The following ASAH2 variants were observed in gnomAD, a reference collection of about 807,000 sequenced individuals.
The protein encoded by ASAH2 is N-acylsphingosine amidohydrolase 2.
ASAH2 carries 58 observed loss-of-function variants against 82.9 expected under a neutral mutation model. The observed-to-expected ratio is 0.70, with a 90% CI of 0.57 to 0.87. The LOEUF (loss-of-function observed/expected upper bound fraction) is 0.87, where lower values mean the gene tolerates loss of function less well. Ranked by LOEUF, ASAH2 falls within the 40% of genes least tolerant of loss-of-function variation. The pLI, the probability that ASAH2 is intolerant of heterozygous loss-of-function variation, is 0.00. For missense variants in ASAH2, 779 were observed against 834.0 expected (o/e 0.93, Z 0.81); for synonymous variants, 276 against 289.7 (o/e 0.95, Z 0.48).
intron 12 of ASAH2, 86 bp downstream of exon 12, chr10:50,210,737 T>C: frequency 4.3e-6 from 5 of 1,160,982 alleles, no homozygotes; most frequent in Middle Eastern, 1.9e-4. Context: ...TTAATAAATG[T>C]ATTGGCTACA....
intron 7 of ASAH2, among the ~76,000 whole-genome samples, chr10:50,227,356 G>C (rs1337801393): frequency 6.6e-6 from 1 of 152,128 alleles, no homozygotes; most frequent in Non-Finnish European, 1.5e-5. Flanking sequence ...CAGTGATGGA[G>C]ATAACATTGT....
At chr10:50,225,666 G>A (rs1427388087) in intron 7 of ASAH2, among the ~76,000 whole-genome samples, 1 of 152,136 alleles carries the variant, frequency 6.6e-6, no homozygotes, top group African/African-American at 2.4e-5. Context: ...TAATGGGAGA[G>A]TAAACCAACA....
chr10:50,221,627 T>G (rs1845745318), intron 7 of ASAH2, among the ~76,000 whole-genome samples: 2 of 144,686 alleles, frequency 1.4e-5, no homozygotes, highest in African/African-American at 2.6e-5. Context: ...TGAATTCAGG[T>G]TGTATGTGTG....
intron 7 of ASAH2, among the ~76,000 whole-genome samples, chr10:50,222,341 C>T (rs1845772545): frequency 6.6e-6 from 1 of 152,194 alleles, no homozygotes; most frequent in Non-Finnish European, 1.5e-5. Context: ...TGCAGTGGTG[C>T]AATCATGGCT....
At chr10:50,239,802 C>A (rs1846247111) in intron 4 of ASAH2, among the ~76,000 whole-genome samples, 1 of 145,140 alleles carries the variant, frequency 6.9e-6, no homozygotes. Context: ...GCTTTTATGT[C>A]TATTCATCTC....
intron 18 of ASAH2, among the ~76,000 whole-genome samples, chr10:50,193,477 A>G (rs1473703304): frequency 1.3e-5 from 2 of 149,412 alleles, no homozygotes; most frequent in Non-Finnish European, 3.0e-5. Context: ...TTGCATGCAT[A>G]TAAGGGAACT....
intron 12 of ASAH2, among the ~76,000 whole-genome samples, chr10:50,210,007 T>A (rs1845407807): frequency 6.6e-6 from 1 of 152,138 alleles, no homozygotes; most frequent in African/African-American, 2.4e-5. Flanking sequence ...TATAGAGTTA[T>A]ATAATCCAGC....
chr10:50,202,927 A>G lies in ASAH2; in HGVS notation c.1666-3T>C. ...TGCATCCCATGAGATGCAAATTCCT[A>G]GGAGAGAAAGGTAAAACCCAATAAA... On this transcript the variant is annotated splice_polypyrimidine_tract_variant and splice_region_variant and intron_variant, in intron 15 of 20. Transcript: ENST00000682911. 5 of 1,591,642 alleles carry G rather than the reference A, an allele frequency of 3.1e-6. No homozygotes were observed. Among genetic ancestry groups the G allele is most frequent in the Non-Finnish European group, 2.6e-6 (3 of 1,159,950 alleles).
rs1845669976 is a variant in ASAH2 at position 50,218,612 on chromosome 10, CG to C, written c.911del (p.Pro304ArgfsTer4). 5.0e-6 allele frequency: 8 copies of C among 1,613,546 alleles called. No individual in the cohort carries two copies. The highest frequency in any genetic ancestry group is 6.8e-6 in the Non-Finnish European group (8 of 1,179,730). ...GATGGTTACTGTTGTTCATGCTGACCGGGTGGATGGCAAACCAGCTGTAAAA... is the reference window on the plus strand; with the variant it reads ...GATGGTTACTGTTGTTCATGCTGACCGGTGGATGGCAAACCAGCTGTAAAA... The part of the protein sequence containing the change: ...LGLISWFAIH[P>X]VSMNNSNHLV... On this transcript the variant is annotated frameshift_variant, in exon 8 of 21. Transcript: ENST00000682911. LOFTEE classifies it high-confidence loss of function.
At chr10:50,224,663 G>T (rs1845835235) in intron 7 of ASAH2, among the ~76,000 whole-genome samples, 1 of 152,134 alleles carries the variant, frequency 6.6e-6, no homozygotes, top group Non-Finnish European at 1.5e-5. Flanking sequence ...GACTTTCCAT[G>T]AGTGGAAAAT....
At chr10:50,234,574 G>A (rs748750972) in intron 5 of ASAH2, 22 bp from the exon 6 acceptor site, 4 of 1,612,404 alleles carry the variant, frequency 2.5e-6, no homozygotes, top group South Asian at 1.1e-5. Context: ...AAAAGAGGGG[G>A]ATGTTATAAG....
At position 50,218,617 on chromosome 10, in the gene ASAH2, G is replaced by A; in HGVS notation, c.907C>T (p.His303Tyr). 6.2e-7 allele frequency: 1 copy of A among 1,613,748 alleles called. No individual in the cohort carries two copies. Among genetic ancestry groups the A allele is most frequent in the South Asian group, 1.1e-5 (1 of 91,068 alleles). Residue 303 changes from histidine to tyrosine, a missense_variant, in exon 8 of 21, where the codon CAC (histidine) becomes TAC (tyrosine). By Grantham distance (83) the His-to-Tyr change is moderately conservative (BLOSUM62 2). Coordinates refer to ENST00000682911, the MANE Select transcript of ASAH2 (RefSeq NM_019893.4). ...DLGLISWFAIHPVSMNNSNHL... is the reference protein window; with the variant it reads ...DLGLISWFAIYPVSMNNSNHL... Reference sequence around the variant, plus strand: ...TTACTGTTGTTCATGCTGACCGGGTGGATGGCAAACCAGCTGTAAAAGAGC... The same window carrying A: ...TTACTGTTGTTCATGCTGACCGGGTAGATGGCAAACCAGCTGTAAAAGAGC...
chr10:50,206,001 A>G lies in ASAH2; in HGVS notation c.1511T>C (p.Ile504Thr), dbSNP rs1473938107. 29 of 1,612,084 alleles carry G rather than the reference A, an allele frequency of 1.8e-5. No homozygotes were observed. The highest frequency in any genetic ancestry group is 2.5e-5 in the Non-Finnish European group (29 of 1,178,528). Reference sequence around the variant, plus strand: ...CATTACTTCTCCGGTGTGAAGAAGGATGGGCTTTGGTTTATGACATTCTTT... The same window carrying G: ...CATTACTTCTCCGGTGTGAAGAAGGGTGGGCTTTGGTTTATGACATTCTTT... ...EIKECHKPKP[I>T]LLHTGELSKP... The change falls in exon 13 of 21, where the codon ATC becomes ACC. Residue 504 changes from isoleucine (I) to threonine (T), a missense_variant. Around this residue, in one of 3 missense-constraint regions of ASAH2, gnomAD observed 759 missense variants for 755.2 expected, o/e 1.00. Transcript: ENST00000682911.
intron 8 of ASAH2, among the ~76,000 whole-genome samples, chr10:50,216,591 A>G (rs1198404963): frequency 6.6e-6 from 1 of 152,180 alleles, no homozygotes; most frequent in Non-Finnish European, 1.5e-5. Context: ...GCTTAAACAG[A>G]AAAAAGCAAA....
intron 12 of ASAH2, among the ~76,000 whole-genome samples, chr10:50,207,430 A>C (rs962401747): frequency 1.3e-5 from 2 of 151,888 alleles, no homozygotes; most frequent in Non-Finnish European, 2.9e-5. Context: ...AACTTTAGCT[A>C]GATTGACCAA....
rs1170904988 is a variant in ASAH2 at position 50,243,304 on chromosome 10, C to A, written c.408G>T (p.Arg136Ser). 1.2e-6 allele frequency: 2 copies of A among 1,614,098 alleles called. No homozygotes were observed. Among genetic ancestry groups the A allele is most frequent in the Non-Finnish European group, 1.7e-6 (2 of 1,179,980 alleles). ...SGQNAQGILTRLYSRAFIMAE... is the reference protein window; with the variant it reads ...SGQNAQGILTSLYSRAFIMAE... ...CCATGATGAAGGCACGACTGTATAG[C>A]CTGGTGAGGATGCCCTGTGCATTCT... The change falls in exon 4 of 21, where the codon AGG becomes AGT. Residue 136 changes from arginine (R) to serine (S), a missense_variant. By Grantham distance (110) the Arg-to-Ser change is moderately radical. This residue lies in a region of ASAH2 where 759 missense variants were observed against 755.2 expected (regional missense o/e 1.00). Coordinates refer to ENST00000682911, the MANE Select transcript of ASAH2 (RefSeq NM_019893.4).
Position 50,234,504 on chromosome 10 carries a change from T to A in ASAH2, c.736A>T (p.Asn246Tyr). The change falls in exon 6 of 21, where the codon AAT becomes TAT. Residue 246 changes from asparagine to tyrosine, a missense_variant. By Grantham distance (143) the Asn-to-Tyr change is moderately radical (BLOSUM62 -2). Coordinates refer to ENST00000682911, the MANE Select transcript of ASAH2 (RefSeq NM_019893.4). ...TGCACACCATCCACATTTCCTTTAT[T>A]GATGAAGATTTTGCCTGGTTTCATA... ...TNMKPGKIFI[N>Y]KGNVDGVQIN... The A allele has an allele frequency of 1.2e-6, 2 of 1,613,028 alleles. No individual in the cohort carries two copies. Among genetic ancestry groups the A allele is most frequent in the Non-Finnish European group, 8.5e-7 (1 of 1,179,258 alleles).
At chr10:50,239,828 A>ATTTTTTTTT (rs1208518684) in intron 4 of ASAH2, among the ~76,000 whole-genome samples, 11 of 120,660 alleles carry the variant, frequency 9.1e-5, no homozygotes, top group East Asian at 2.4e-4. Context: ...CTCACATTTA[A>ATTTTTTTTT]TTTTTTTTTT....
At chr10:50,206,331 A>G (rs1845296378) in intron 12 of ASAH2, among the ~76,000 whole-genome samples, 1 of 151,932 alleles carries the variant, frequency 6.6e-6, no homozygotes, top group Non-Finnish European at 1.5e-5. Flanking sequence ...ACGACAGAGT[A>G]TATTTTGTCA....
Sources: allele counts gnomAD v4.1 joint callset (sites outside exome capture counted in the v4.1 genomes callset), GRCh38; gene constraint gnomAD v4.1.1; regional missense constraint gnomAD v4.1.1; transcripts MANE v1.5; gene names NCBI Gene and HGNC (gene_info 2026-07-23, HGNC 2026-07-21).